Variants in SRRM2 observed in about 807,000 individuals in gnomAD.
SRRM2 encodes serine/arginine repetitive matrix 2.
A neutral mutation model predicts 213.8 loss-of-function variants in SRRM2; 30 were observed. The observed-to-expected ratio is 0.14, with a 90% CI of 0.10 to 0.19. The LOEUF is 0.19. Among genes scored for constraint, SRRM2 ranks in the 10% least tolerant of loss-of-function variants. SRRM2 has a pLI of 1.00. For missense variants in SRRM2, 4,904 were observed against 3,647.0 expected (o/e 1.34, Z -8.88); for synonymous variants, 2,025 against 1,377.7 (o/e 1.47, Z -10.40).
intron 2 of SRRM2, among the ~76,000 whole-genome samples, chr16:2,757,074 A>C (rs1308555301): frequency 6.6e-6 from 1 of 152,152 alleles, no homozygotes; most frequent in Non-Finnish European, 1.5e-5. Context: ...AAATTTTGGA[A>C]AAGGAGCCCA....
At chr16:2,768,656 G>C in intron 11 of SRRM2, 1 of 643,288 alleles carries the variant, frequency 1.6e-6, no homozygotes, top group Admixed American at 2.1e-5. Flanking sequence ...CAGCCAACCT[G>C]CACTCACAGG....
intron 1 of SRRM2, among the ~76,000 whole-genome samples, chr16:2,756,000 G>A (rs1204735642): frequency 2.0e-5 from 3 of 152,198 alleles, no homozygotes; most frequent in African/African-American, 7.2e-5. Flanking sequence ...AAGGGACAGT[G>A]TGGAGAGATT....
Position 2,762,012 on chromosome 16 carries a change from C to A in SRRM2, c.1484C>A (p.Ser495Tyr), listed in dbSNP as rs901907391. The A allele has an allele frequency of 1.2e-6, 2 of 1,614,112 alleles. No homozygotes were observed. Among genetic ancestry groups the A allele is most frequent in the African/African-American group, 2.7e-5 (2 of 74,934 alleles). Residue 495 changes from serine to tyrosine, a missense_variant, in exon 11 of 15, where the codon TCT becomes TAT. By Grantham distance (144) the Ser-to-Tyr change is moderately radical. Transcript: ENST00000301740. ...RSPATAKRGRSRSRTPTKRGH... is the reference protein window; with the variant it reads ...RSPATAKRGRYRSRTPTKRGH... ...CCTGCCACCGCTAAGAGAGGGCGAT[C>A]TCGGTCTCGAACCCCTACCAAGAGA...
rs1199995071 is a variant in SRRM2, at chr16:2,758,772, C to T, written c.594-213C>T. Reference sequence around the variant, plus strand: ...AGATTGGCCAGCAGCATTTTGGATTCTGGAATTTTCTTTTTCATTTTGAGG... The same window carrying T: ...AGATTGGCCAGCAGCATTTTGGATTTTGGAATTTTCTTTTTCATTTTGAGG... On this transcript the variant is annotated intron_variant, in intron 5 of 14. Coordinates refer to ENST00000301740, the MANE Select transcript of SRRM2 (RefSeq NM_016333.4). 3 of 686,084 alleles carry T rather than the reference C, an allele frequency of 4.4e-6. No homozygotes were observed. In the South Asian group the frequency reaches 5.9e-5, roughly 13 times the overall value. The allele number at this position is 686,084 out of a possible 1,614,324, so 42.5% of individuals were successfully genotyped here.
Position 2,763,222 on chromosome 16 carries a change from A to G in SRRM2, c.2694A>G (p.Arg898=). The G allele has an allele frequency of 6.2e-7, 1 of 1,614,058 alleles. No homozygotes were observed. Among genetic ancestry groups the G allele is most frequent in the African/African-American group, 1.3e-5 (1 of 75,024 alleles). ...GCTGCTCAGGGTCCTCTCCTCCTAG[A>G]GTGAAATCTAGCACACCTCCCAGAC... The part of the protein sequence containing the change: ...RHSCSGSSPP[R]VKSSTPPRQS... The change falls in exon 11 of 15, where the codon AGA becomes AGG. Residue 898 remains arginine (R), a synonymous_variant. Transcript: ENST00000301740.
chr16:2,770,646 C>T lies in SRRM2; in HGVS notation c.8178C>T (p.Asp2726=), dbSNP rs755414700. ...GTTCCCGGAGAGGCCAGCGTGGGGA[C>T]AGCCGCTCCCCCAGCCACAAGCGCA... ...ERGSRRGQRG[D]SRSPSHKRRR... is the part of the protein sequence containing the mutation. The change falls in exon 14 of 15, where the codon GAC becomes GAT. Residue 2726 remains aspartate, a synonymous_variant. Transcript: ENST00000301740. 6.4e-7 allele frequency: 1 copy of T among 1,552,464 alleles called. No homozygotes were observed. The highest frequency in any genetic ancestry group is 8.7e-7 in the Non-Finnish European group (1 of 1,147,764).
chr16:2,753,855 G>GGCTGTGCTT (rs1470860509), intron 1 of SRRM2, among the ~76,000 whole-genome samples: 1 of 152,158 alleles, frequency 6.6e-6, no homozygotes, highest in African/African-American at 2.4e-5. Context: ...GTGCTGAGCT[G>GGCTGTGCTT]GCTGTGCTTG....
rs144180622 is a variant in SRRM2, at chr16:2,768,234, C to G, written c.7706C>G (p.Pro2569Arg). 1 of 1,567,896 alleles carries G rather than the reference C, an allele frequency of 6.4e-7. No individual in the cohort carries two copies. Among genetic ancestry groups the G allele is most frequent in the African/African-American group, 1.4e-5 (1 of 73,272 alleles). Reference protein sequence around the residue: ...SSSDSEGSSLPVQPEVALKRV... With the variant: ...SSSDSEGSSLRVQPEVALKRV... ...AGTGACTCAGAGGGCTCTAGCCTTCCTGTGCAACCTGAGGTGGCACTGAAG... is the reference window on the plus strand; with the variant it reads ...AGTGACTCAGAGGGCTCTAGCCTTCGTGTGCAACCTGAGGTGGCACTGAAG... The change falls in exon 11 of 15, where the codon CCT (proline) becomes CGT (arginine). Residue 2569 changes from proline (P) to arginine (R), a missense_variant. Physicochemically the swap from Pro to Arg is moderately radical, Grantham distance 103. Transcript: ENST00000301740.
rs747692695 is a variant in SRRM2, at chr16:2,763,417, G to A, written c.2889G>A (p.Leu963=). The change falls in exon 11 of 15, where the codon TTG becomes TTA. Residue 963 remains leucine, a synonymous_variant. Coordinates refer to ENST00000301740, the MANE Select transcript of SRRM2 (RefSeq NM_016333.4). ...VSPCSNVESR[L]LPRYSHSGSS... is the part of the protein sequence containing the mutation. Reference sequence around the variant, plus strand: ...CCTGCTCCAATGTGGAATCCAGATTGTTGCCAAGATACAGTCATTCTGGGT... The same window carrying A: ...CCTGCTCCAATGTGGAATCCAGATTATTGCCAAGATACAGTCATTCTGGGT... 5.0e-6 allele frequency: 8 copies of A among 1,614,094 alleles called. No individual in the cohort carries two copies. The highest frequency in any genetic ancestry group is 4.0e-5 in the African/African-American group (3 of 74,934).
In SRRM2 at chr16:2,762,881, T is replaced by C; in HGVS notation, c.2353T>C (p.Cys785Arg). The C allele has an allele frequency of 2.5e-6, 4 of 1,614,186 alleles. No individual in the cohort carries two copies. Among genetic ancestry groups the C allele is most frequent in the Non-Finnish European group, 3.4e-6 (4 of 1,180,020 alleles). The change falls in exon 11 of 15, where the codon TGC (cysteine) becomes CGC (arginine). Residue 785 changes from cysteine (C) to arginine (R), a missense_variant. By Grantham distance (180) the Cys-to-Arg change is radical. Transcript: ENST00000301740. ...LRRSLSGSSP[C>R]PKQKSQTPPR... ...GCGCAGCCTTTCAGGGTCTTCCCCA[T>C]GCCCTAAACAAAAGTCACAGACACC...
In SRRM2 at chr16:2,765,294, C is replaced by T. The variant is rs1446941955; in HGVS notation, c.4766C>T (p.Ser1589Phe). 1 of 1,614,148 alleles carries T rather than the reference C, an allele frequency of 6.2e-7. No individual in the cohort carries two copies. The highest frequency in any genetic ancestry group is 8.5e-7 in the Non-Finnish European group (1 of 1,180,030). ...SGSSPEVDSK[S>F]RLSPRRSRSG... ...TCATCTCCAGAGGTTGACAGCAAAT[C>T]TCGACTATCCCCTCGGCGCAGTAGG... The change falls in exon 11 of 15, where the codon TCT becomes TTT. Residue 1589 changes from serine (S) to phenylalanine (F), a missense_variant. Ser to Phe is a radical substitution (Grantham distance 155). Coordinates refer to ENST00000301740, the MANE Select transcript of SRRM2 (RefSeq NM_016333.4).
At position 2,767,166 on chromosome 16, in the gene SRRM2, C is replaced by G; in HGVS notation, c.6638C>G (p.Ala2213Gly). 6.2e-7 allele frequency: 1 copy of G among 1,614,208 alleles called. No individual in the cohort carries two copies. The highest frequency in any genetic ancestry group is 8.5e-7 in the Non-Finnish European group (1 of 1,180,046). Residue 2213 changes from alanine (A) to glycine (G), a missense_variant, in exon 11 of 15, where the codon GCC becomes GGC. By Grantham distance (60) the Ala-to-Gly change is moderately conservative (BLOSUM62 0). Transcript: ENST00000301740. ...GCTGCAAGAATGTCCCAGGTTCCAG[C>G]CCCGGTGCCTCTCATGAGTCTCAGA... ...GLAARMSQVP[A>G]PVPLMSLRTA...
Position 2,765,080 on chromosome 16 carries a change from G to T in SRRM2, c.4552G>T (p.Gly1518Trp), listed in dbSNP as rs773030484. Residue 1518 changes from glycine to tryptophan, a missense_variant, in exon 11 of 15, where the codon GGG (glycine) becomes TGG (tryptophan). Gly to Trp is a radical substitution (Grantham distance 184). Transcript: ENST00000301740. ...KCLTPQRERS[G>W]SESSVDQKTV... ...TCTTACCCCCCAGAGAGAAAGAAGCGGGTCAGAATCATCAGTTGATCAGAA... is the reference window on the plus strand; with the variant it reads ...TCTTACCCCCCAGAGAGAAAGAAGCTGGTCAGAATCATCAGTTGATCAGAA... 2 of 1,613,948 alleles carry T rather than the reference G, an allele frequency of 1.2e-6. No homozygotes were observed. The highest frequency in any genetic ancestry group is 1.3e-5 in the African/African-American group (1 of 74,914).
chr16:2,770,955 TG>T lies in SRRM2; in HGVS notation c.*89del. On this transcript the variant is annotated 3_prime_UTR_variant, in exon 15 of 15. Coordinates refer to ENST00000301740, the MANE Select transcript of SRRM2 (RefSeq NM_016333.4). Reference sequence around the variant, plus strand: ...CCCAGCAGAGCCGTGGGAGGGTCCTTGTCTGCTCTCCTTTGAACCTTGGCAG... The same window carrying T: ...CCCAGCAGAGCCGTGGGAGGGTCCTTTCTGCTCTCCTTTGAACCTTGGCAG... The T allele has an allele frequency of 6.4e-7, 1 of 1,558,862 alleles. No homozygotes were observed. The highest frequency in any genetic ancestry group is 1.1e-5 in the South Asian group (1 of 87,854).
intron 12 of SRRM2, chr16:2,769,681 G>A (rs1188625236): frequency 5.9e-6 from 3 of 506,092 alleles, no homozygotes; most frequent in South Asian, 3.1e-5. Flanking sequence ...GTAGCCAGAG[G>A]GACCTTTCTA....
At chr16:2,755,511 A>G (rs900666342) in intron 1 of SRRM2, among the ~76,000 whole-genome samples, 2 of 152,208 alleles carry the variant, frequency 1.3e-5, no homozygotes, top group Non-Finnish European at 2.9e-5. Context: ...AAAACAGGTA[A>G]TATTTGACAG....
At chr16:2,757,621 TG>T (rs747903172) in intron 3 of SRRM2, 42 bp downstream of exon 3, 2 of 1,588,616 alleles carry the variant, frequency 1.3e-6, no homozygotes, top group African/African-American at 2.7e-5. Flanking sequence ...GACTCTACTC[TG>T]GCTGCTGGCT....
intron 12 of SRRM2, chr16:2,769,704 G>C (rs1158795972): frequency 4.1e-6 from 2 of 483,270 alleles, no homozygotes; most frequent in Non-Finnish European, 8.1e-6. Context: ...ACGCACATCT[G>C]GCTACTTCCC....
rs552374748 is a variant in SRRM2, at chr16:2,753,804, C to T, written c.-32+958C>T. 9.2e-5 allele frequency among the ~76,000 whole-genome samples: 14 copies of T among 152,296 alleles called. No individual in the cohort carries two copies. The East Asian group carries it at 2.3e-3, about 25-fold the overall frequency. ...CTTCTAAAGCTACTATTTTAGCTTTCTGGGTTCTTTGTGTCCACTCAGCCG... is the reference window on the plus strand; with the variant it reads ...CTTCTAAAGCTACTATTTTAGCTTTTTGGGTTCTTTGTGTCCACTCAGCCG... On this transcript the variant is annotated intron_variant, in intron 1 of 14. Transcript: ENST00000301740.
Sources: gnomAD v4.1 joint callset for allele counts (sites outside exome capture counted in the v4.1 genomes callset) on GRCh38, gnomAD v4.1.1 for gene constraint, MANE v1.5 for transcripts, NCBI Gene and HGNC (gene_info 2026-07-23, HGNC 2026-07-21) for gene names.